The following ALDH1L1 variants were observed in gnomAD, a reference collection of about 807,000 sequenced individuals.
The protein encoded by ALDH1L1 is aldehyde dehydrogenase 1 family member L1, also known as cytosolic 10-formyltetrahydrofolate dehydrogenase.
Under a neutral mutation model 101.1 loss-of-function variants are expected in ALDH1L1, and 68 were observed. That is an observed-to-expected ratio of 0.67 (90% CI 0.55 to 0.82). ALDH1L1 has a LOEUF of 0.82. Ranked by LOEUF, ALDH1L1 falls within the 40% of genes least tolerant of loss-of-function variation. ALDH1L1 has a pLI of 0.00. For missense variants in ALDH1L1, 1,087 were observed against 1,172.7 expected, an observed-to-expected ratio of 0.93 and a Z score of 1.07; for synonymous variants, 486 against 470.8, an observed-to-expected ratio of 1.03 and a Z score of -0.42.
At chr3:126,169,196 T>G (rs2081225826) in intron 1 of ALDH1L1, among the ~76,000 whole-genome samples, 1 of 152,182 alleles carries the variant, frequency 6.6e-6, no homozygotes, top group African/African-American at 2.4e-5. Context: ...CTGCTAATCT[T>G]TATCTTATTT....
At chr3:126,126,624 C>CT (rs2080192175) in intron 14 of ALDH1L1, among the ~76,000 whole-genome samples, 2 of 152,194 alleles carry the variant, frequency 1.3e-5, no homozygotes, top group African/African-American at 4.8e-5. Flanking sequence ...ACAGCACGGG[C>CT]TGCTGAGTGT....
intron 1 of ALDH1L1, among the ~76,000 whole-genome samples, chr3:126,189,992 C>A (rs1262339285): frequency 1.3e-5 from 2 of 152,152 alleles, no homozygotes. Flanking sequence ...ATTGTGTTTG[C>A]AATACCTTGT....
upstream of ALDH1L1, chr3:126,180,720 C>CATTTA: frequency 7.1e-7 from 1 of 1,401,532 alleles, no homozygotes; most frequent in Non-Finnish European, 9.3e-7. Flanking sequence ...GCACCCTCTC[C>CATTTA]GGGCGGGTCT....
chr3:126,144,048 AC>A (rs1330216248), intron 9 of ALDH1L1, among the ~76,000 whole-genome samples: 4 of 152,252 alleles, frequency 2.6e-5, no homozygotes, highest in African/African-American at 4.8e-5. Flanking sequence ...ATGCAAAAAA[AC>A]AGTTGCAACT....
intron 2 of ALDH1L1, chr3:126,159,241 C>G (rs1257399071): frequency 2.7e-6 from 1 of 366,670 alleles, no homozygotes; most frequent in Admixed American, 3.7e-5. Flanking sequence ...CACACACACA[C>G]ACACACCCCA....
intron 1 of ALDH1L1, among the ~76,000 whole-genome samples, chr3:126,194,239 A>C (rs1331135319): frequency 2.6e-5 from 4 of 152,196 alleles, no homozygotes; most frequent in Non-Finnish European, 5.9e-5. Flanking sequence ...ACAATTTTAG[A>C]ATATACATTA....
intron 1 of ALDH1L1, chr3:126,179,770 C>T (rs951953174): frequency 6.6e-5 from 10 of 152,258 alleles, no homozygotes; most frequent in Non-Finnish European, 2.9e-5. Context: ...GATTAAATTC[C>T]GTCTCTGTCT....
chr3:126,131,290 C>A (rs1409189154), intron 13 of ALDH1L1, 94 bp downstream of exon 13: 1 of 1,386,312 alleles, frequency 7.2e-7, no homozygotes. Flanking sequence ...TCATTTGCTG[C>A]GCAGCATGCA....
At chr3:126,116,231 T>G (rs1019817651) in intron 17 of ALDH1L1, among the ~76,000 whole-genome samples, 1 of 151,648 alleles carries the variant, frequency 6.6e-6, no homozygotes, top group Non-Finnish European at 1.5e-5. Flanking sequence ...TACTTTTTTT[T>G]TTGTTCTGTT....
chr3:126,180,359 C>T (rs966492024), intron 1 of ALDH1L1, 117 bp downstream of exon 1: 2 of 769,132 alleles, frequency 2.6e-6, no homozygotes, highest in African/African-American at 1.9e-5. Context: ...CCGCAGGAGC[C>T]CTTGCGGTGA....
At position 126,135,638 on chromosome 3, in the gene ALDH1L1, G is replaced by A. The variant is rs1356371769; in HGVS notation, c.1369C>T (p.Gln457Ter). The change falls in exon 12 of 23, where the codon CAA becomes TAA. Residue 457 changes from glutamine to a stop codon, truncating the protein, a stop_gained. Transcript: ENST00000393434. LOFTEE classifies it high-confidence loss of function. Reference sequence around the variant, plus strand: ...ACTGCCTTGTCGACGTCGGTGACTTGGGCCAGGGATACCTGGCAGATGACC... The same window carrying A: ...ACTGCCTTGTCGACGTCGGTGACTTAGGCCAGGGATACCTGGCAGATGACC... ...GSVICQVSLA[Q>*]VTDVDKAVAA... is the part of the protein sequence containing the mutation. The A allele has an allele frequency of 1.9e-6, 3 of 1,574,168 alleles. No individual in the cohort carries two copies. The South Asian group carries it at 3.5e-5, about 18-fold the overall frequency.
At chr3:126,143,283 T>C (rs146046329) in intron 9 of ALDH1L1, among the ~76,000 whole-genome samples, 2 of 152,196 alleles carry the variant, frequency 1.3e-5, no homozygotes, top group African/African-American at 4.8e-5. Context: ...CATCTATATA[T>C]TCTATGTTTT....
chr3:126,174,033 TC>T (rs549816586), intron 1 of ALDH1L1, among the ~76,000 whole-genome samples: 110 of 152,254 alleles, frequency 7.2e-4, no homozygotes, highest in African/African-American at 2.5e-3. Flanking sequence ...TCTCTGTCAG[TC>T]CCCACTAACG....
chr3:126,124,350 A>C lies in ALDH1L1; in HGVS notation c.1888+14T>G. 6.2e-7 allele frequency: 1 copy of C among 1,605,166 alleles called. No homozygotes were observed. Among genetic ancestry groups the C allele is most frequent in the Non-Finnish European group, 8.5e-7 (1 of 1,176,062 alleles). On this transcript the variant is annotated intron_variant, in intron 16 of 22. Coordinates refer to ENST00000393434, the MANE Select transcript of ALDH1L1 (RefSeq NM_012190.4). Reference sequence around the variant, plus strand: ...GCCAGAAGCCCTAGCCCTGCCCCCGACAATGGCTCTTACCAGATCCTGGGA... The same window carrying C: ...GCCAGAAGCCCTAGCCCTGCCCCCGCCAATGGCTCTTACCAGATCCTGGGA...
In ALDH1L1 at chr3:126,110,107, T is replaced by C. The variant is rs1559914626; in HGVS notation, c.2184A>G (p.Val728=). The change falls in exon 20 of 23, where the codon GTA becomes GTG. Residue 728 remains valine, a splice_region_variant and synonymous_variant. Transcript: ENST00000393434. The part of the protein sequence containing the change: ...SIHDEFVRRV[V]EEVRKMKVGN... Reference sequence around the variant, plus strand: ...CCACCTTCATCTTCCGCACCTCTTCTACCTGCAGAAAGTCCTCCAAGTCAG... The same window carrying C: ...CCACCTTCATCTTCCGCACCTCTTCCACCTGCAGAAAGTCCTCCAAGTCAG... 1.9e-6 allele frequency: 3 copies of C among 1,613,954 alleles called. No homozygotes were observed. The highest frequency in any genetic ancestry group is 3.3e-5 in the Admixed American group (2 of 60,000).
intron 22 of ALDH1L1, 75 bp from the exon 23 acceptor site, chr3:126,103,921 C>A: frequency 6.5e-7 from 1 of 1,533,264 alleles, no homozygotes; most frequent in Non-Finnish European, 8.9e-7. Flanking sequence ...GTGTCTTATT[C>A]CTCAGCAACC....
At chr3:126,189,628 T>A (rs1332414000) in intron 1 of ALDH1L1, among the ~76,000 whole-genome samples, 2 of 152,242 alleles carry the variant, frequency 1.3e-5, no homozygotes. Flanking sequence ...GGTTCTAAAC[T>A]GTGAGGGACT....
chr3:126,142,926 C>T (rs1422194498), intron 9 of ALDH1L1, among the ~76,000 whole-genome samples: 1 of 152,212 alleles, frequency 6.6e-6, no homozygotes, highest in Non-Finnish European at 1.5e-5. Flanking sequence ...ACACTGTGCT[C>T]CTTGACTTAT....
chr3:126,120,594 C>T (rs891817747), intron 16 of ALDH1L1, among the ~76,000 whole-genome samples: 6 of 152,260 alleles, frequency 3.9e-5, no homozygotes, highest in South Asian at 4.1e-4. Flanking sequence ...CCCTAAACTA[C>T]GGACTTCGGG....
Sources: gnomAD v4.1 joint callset for allele counts (sites outside exome capture counted in the v4.1 genomes callset) on GRCh38, gnomAD v4.1.1 for gene constraint, MANE v1.5 for transcripts, NCBI Gene and HGNC (gene_info 2026-07-23, HGNC 2026-07-21) for gene names.